Variants in ALMS1 observed in about 807,000 individuals in gnomAD.
ALMS1 encodes the protein centrosome-associated protein ALMS1.
A neutral mutation model predicts 352.2 loss-of-function variants in ALMS1; 271 were observed. That is an observed-to-expected ratio of 0.77 (90% CI 0.70 to 0.85). The LOEUF (loss-of-function observed/expected upper bound fraction) is 0.85, where lower values mean the gene tolerates loss of function less well. ALMS1 is among the 40% of genes least tolerant of loss of function. ALMS1 has a pLI of 0.00. For synonymous variants in ALMS1, 1,865 were observed against 1,761.2 expected (o/e 1.06, Z -1.48); for missense variants, 5,445 against 4,870.7 (o/e 1.12, Z -3.51).
At chr2:73,496,088 T>A (rs893926296) in intron 10 of ALMS1, among the ~76,000 whole-genome samples, 18 of 152,260 alleles carry the variant, frequency 1.2e-4, no homozygotes, top group African/African-American at 4.3e-4. Flanking sequence ...AGTCACATTC[T>A]GCATTCCATC....
chr2:73,580,848 A>G (rs551184636), intron 16 of ALMS1, among the ~76,000 whole-genome samples: 7 of 152,200 alleles, frequency 4.6e-5, no homozygotes, highest in Admixed American at 2.0e-4. Context: ...GTAGCTGGCT[A>G]CTTGTTTGAT....
rs144651694 is a variant in ALMS1 at position 73,583,013 on chromosome 2, A to G, written c.11547+9589A>G. ...GCCACCAACAATGTACAAGGGTTCT[A>G]ATTTCTTTACATCCTTACCAACACT... is the stretch of plus-strand genomic sequence containing the variant. On this transcript the variant is annotated intron_variant, in intron 16 of 22. Transcript: ENST00000613296. Among the ~76,000 whole-genome samples, 483 of 150,584 alleles carry G rather than the reference A, an allele frequency of 3.2e-3. 3 individuals are homozygous for G. The highest frequency in any genetic ancestry group is 0.011 in the African/African-American group (460 of 40,678).
intron 5 of ALMS1, among the ~76,000 whole-genome samples, chr2:73,425,764 T>C (rs146511483): frequency 1.3e-5 from 2 of 152,310 alleles, no homozygotes; most frequent in East Asian, 3.9e-4. Flanking sequence ...ACATCCATGC[T>C]ATCAGTCTAC....
chr2:73,430,756 G>T (rs906992341), intron 6 of ALMS1, among the ~76,000 whole-genome samples: 3 of 152,154 alleles, frequency 2.0e-5, no homozygotes, highest in Non-Finnish European at 4.4e-5. Context: ...TAGCCTAGGT[G>T]TGTAGTAGGC....
intron 7 of ALMS1, among the ~76,000 whole-genome samples, chr2:73,441,889 CTAT>C (rs922008420): frequency 2.0e-5 from 3 of 151,886 alleles, no homozygotes; most frequent in African/African-American, 7.3e-5. Flanking sequence ...CTTAGATGTG[CTAT>C]TGTCTTTGGT....
chr2:73,579,947 T>A (rs1391809342), intron 16 of ALMS1, among the ~76,000 whole-genome samples: 1 of 152,184 alleles, frequency 6.6e-6, no homozygotes, highest in Non-Finnish European at 1.5e-5. Flanking sequence ...TTTCCAACCA[T>A]TATTTCTCCA....
chr2:73,559,184 T>C (rs200114842), intron 15 of ALMS1, 42 bp downstream of exon 15: 1 of 1,595,846 alleles, frequency 6.3e-7, no homozygotes, highest in East Asian at 2.3e-5. Context: ...TGTCTTTGTG[T>C]GTATGTGAGG....
chr2:73,451,928 G>C lies in ALMS1; in HGVS notation c.5401G>C (p.Val1801Leu), dbSNP rs764862037. The change falls in exon 8 of 23, where the codon GTA (valine) becomes CTA (leucine). Residue 1801 changes from valine (V) to leucine (L), a missense_variant. Physicochemically the swap from Val to Leu is conservative, Grantham distance 32. Transcript: ENST00000613296. ...TGACCAGAAGACTGGGGTATCAACA[G>C]TAACCTCTACTTCCTACTCACACAG... is the stretch of plus-strand genomic sequence containing the variant. ...PADQKTGVST[V>L]TSTSYSHREK... The C allele has an allele frequency of 6.2e-7, 1 of 1,613,940 alleles. No individual in the cohort carries two copies.
At chr2:73,475,359 G>T (rs1672561353) in intron 9 of ALMS1, among the ~76,000 whole-genome samples, 1 of 151,976 alleles carries the variant, frequency 6.6e-6, no homozygotes, top group African/African-American at 2.4e-5. Flanking sequence ...AGTATATGAG[G>T]GTTTCAGTTT....
chr2:73,590,547 A>G (rs1675407215), intron 16 of ALMS1, among the ~76,000 whole-genome samples: 1 of 151,530 alleles, frequency 6.6e-6, no homozygotes, highest in Non-Finnish European at 1.5e-5. Context: ...TGCCATTTAC[A>G]TTTCTTACTT....
At position 73,406,495 on chromosome 2, in the gene ALMS1, C is replaced by T. The variant is rs1670975938; in HGVS notation, c.325-2127C>T. 4.3e-5 allele frequency among the ~76,000 whole-genome samples: 6 copies of T among 139,920 alleles called. No homozygotes were observed. In the Admixed American group the frequency reaches 4.3e-4, roughly 10 times the overall value. The allele number at this position is 139,920 out of a possible 152,430, so 91.8% of individuals were successfully genotyped here. A position where few individuals can be genotyped will look rare whatever the true frequency, so the allele number is the denominator to read the frequency against. On this transcript the variant is annotated intron_variant, in intron 1 of 22. Coordinates refer to ENST00000613296, the MANE Select transcript of ALMS1 (RefSeq NM_001378454.1). ...TTTCATAGCTTGTTTTTCATTTCCT[C>T]CCCTTCTTTCTTTGTGTTTAGTCAA...
chr2:73,479,996 C>T (rs2103862061), intron 9 of ALMS1, among the ~76,000 whole-genome samples: 1 of 152,070 alleles, frequency 6.6e-6, no homozygotes, highest in South Asian at 2.1e-4. Context: ...TTTAATATTT[C>T]TGTTTCCAGT....
intron 11 of ALMS1, among the ~76,000 whole-genome samples, chr2:73,528,350 G>A (rs1673837052): frequency 6.6e-6 from 1 of 152,074 alleles, no homozygotes; most frequent in Non-Finnish European, 1.5e-5. Context: ...TATTGTATTA[G>A]GTTCTATCTC....
intron 1 of ALMS1, among the ~76,000 whole-genome samples, chr2:73,397,319 T>C (rs1198474939): frequency 6.6e-6 from 1 of 152,126 alleles, no homozygotes; most frequent in Non-Finnish European, 1.5e-5. Context: ...TTTGGAACAA[T>C]AGTTTGCCCT....
Position 73,450,945 on chromosome 2 carries a change from C to T in ALMS1, c.4418C>T (p.Ser1473Phe). Residue 1473 changes from serine (S) to phenylalanine (F), a missense_variant, in exon 8 of 23, where the codon TCC becomes TTC. Transcript: ENST00000613296. ...ACGATTGGCACACCAACTGTAACCT[C>T]CCCTTCCAGCTCATTTGGAGAGAAG... ...DQTIGTPTVT[S>F]PSSSFGEKPI... 1.2e-6 allele frequency: 2 copies of T among 1,614,032 alleles called. No individual in the cohort carries two copies. The highest frequency in any genetic ancestry group is 1.7e-6 in the Non-Finnish European group (2 of 1,179,956).
intron 9 of ALMS1, among the ~76,000 whole-genome samples, chr2:73,460,073 A>G (rs1180868055): frequency 2.6e-5 from 4 of 151,818 alleles, no homozygotes; most frequent in Non-Finnish European, 5.9e-5. Flanking sequence ...TTTGTAACTC[A>G]CTTCCCTGAT....
At chr2:73,601,546 C>G in intron 19 of ALMS1, 110 bp downstream of exon 19, 18 of 1,497,554 alleles carry the variant, frequency 1.2e-5, no homozygotes, top group Non-Finnish European at 1.5e-5. Flanking sequence ...CTGAGACGCT[C>G]TTTTCCAGCA....
At chr2:73,537,078 G>T (rs897957010) in intron 12 of ALMS1, among the ~76,000 whole-genome samples, 3 of 152,126 alleles carry the variant, frequency 2.0e-5, no homozygotes, top group African/African-American at 7.2e-5. Context: ...CCACACAAAA[G>T]GCTTATCTTT....
At chr2:73,509,662 C>T (rs1673409003) in intron 10 of ALMS1, among the ~76,000 whole-genome samples, 1 of 152,176 alleles carries the variant, frequency 6.6e-6, no homozygotes. Context: ...TTATGGGTAA[C>T]CTGACCTTTG....
Sources: allele counts gnomAD v4.1 joint callset (sites outside exome capture counted in the v4.1 genomes callset), GRCh38; gene constraint gnomAD v4.1.1; transcripts MANE v1.5; gene names NCBI Gene and HGNC (gene_info 2026-07-23, HGNC 2026-07-21).